RIN2: variants seen among roughly 807,000 people sequenced by gnomAD.
RIN2 encodes the protein RAB5 interacting protein 2.
Under a neutral mutation model 78.0 loss-of-function variants are expected in RIN2, and 36 were observed. That is an observed-to-expected ratio of 0.46 (90% CI 0.35 to 0.61). The LOEUF is 0.61. RIN2 is among the 20% of genes least tolerant of loss of function. The pLI is 0.00. For missense variants in RIN2, 1,087 were observed against 1,159.7 expected (o/e 0.94, Z 0.91); for synonymous variants, 466 against 466.8 (o/e 1.00, Z 0.02).
chr20:19,997,250 G>A (rs941370424), intron 12 of RIN2, among the ~76,000 whole-genome samples: 2 of 152,126 alleles, frequency 1.3e-5, no homozygotes, highest in African/African-American at 2.4e-5. Context: ...CTTTTCTCTC[G>A]CCCACTCTCC....
intron 3 of RIN2, among the ~76,000 whole-genome samples, chr20:19,909,544 C>T (rs761788968): frequency 2.0e-5 from 3 of 152,118 alleles, no homozygotes; most frequent in Admixed American, 1.3e-4. Flanking sequence ...TGTTGAGCCC[C>T]GGCACACACT....
In RIN2 at chr20:19,975,564, G is replaced by A; in HGVS notation, c.1539G>A (p.Arg513=). ...VFSSFMTPEK[R]MVRRIAELSR... ...GCTCCTTCATGACCCCGGAGAAGCG[G>A]ATGGTCCGCAGGATCGCCGAGCTTT... Residue 513 remains arginine, a synonymous_variant, in exon 9 of 13, where the codon CGG becomes CGA. Coordinates refer to ENST00000255006, the MANE Select transcript of RIN2 (RefSeq NM_018993.4). The surrounding 1 kb of genome is among the most constrained non-coding windows in gnomAD (Gnocchi z 4.9). 6.2e-7 allele frequency: 1 copy of A among 1,614,030 alleles called. No individual in the cohort carries two copies.
chr20:19,982,521 T>C (rs2042489196), intron 9 of RIN2, among the ~76,000 whole-genome samples: 1 of 152,144 alleles, frequency 6.6e-6, no homozygotes, highest in Non-Finnish European at 1.5e-5. Flanking sequence ...TGGCTGAAAG[T>C]CAGGGGCGAG....
At chr20:19,905,615 C>T (rs2039184205) in intron 3 of RIN2, among the ~76,000 whole-genome samples, 1 of 152,156 alleles carries the variant, frequency 6.6e-6, no homozygotes, top group African/African-American at 2.4e-5. Context: ...GGCATGGTAG[C>T]GTGTGCCTGT....
chr20:19,995,790 A>G (rs2042942780), intron 11 of RIN2, among the ~76,000 whole-genome samples: 1 of 152,206 alleles, frequency 6.6e-6, no homozygotes, highest in Non-Finnish European at 1.5e-5. Flanking sequence ...AGATTTAGAA[A>G]ATACTCATTG....
chr20:19,852,930 A>G (rs1195918549), intron 2 of RIN2, among the ~76,000 whole-genome samples: 3 of 151,924 alleles, frequency 2.0e-5, no homozygotes, highest in Admixed American at 2.0e-4. Flanking sequence ...CATGTGCACA[A>G]CGTGCAGGTT....
Position 19,935,150 on chromosome 20 carries a change from C to T in RIN2, c.109C>T (p.Arg37Trp), listed in dbSNP as rs758146356. The change falls in exon 4 of 13, where the codon CGG becomes TGG. Residue 37 changes from arginine to tryptophan, a missense_variant. This residue lies in a region of RIN2 where 706 missense variants were observed against 667.5 expected (regional missense o/e 1.06). Transcript: ENST00000255006. ...CGGAGAACTGAAACAGGAGATGGTG[C>T]GGACAGATGTCAACCTGGAAAATGG... ...EIGELKQEMV[R>W]TDVNLENGLE... The T allele has an allele frequency of 3.1e-6, 5 of 1,604,608 alleles. No individual in the cohort carries two copies. Among genetic ancestry groups the T allele is most frequent in the South Asian group, 2.2e-5 (2 of 88,986 alleles).
chr20:19,837,012 A>G (rs949234924), intron 2 of RIN2, among the ~76,000 whole-genome samples: 4 of 152,070 alleles, frequency 2.6e-5, no homozygotes, highest in Non-Finnish European at 5.9e-5. Flanking sequence ...TTTATTGTAT[A>G]TCATGTGCAG....
At chr20:19,806,068 A>G (rs2035398681) in intron 2 of RIN2, among the ~76,000 whole-genome samples, 1 of 152,172 alleles carries the variant, frequency 6.6e-6, no homozygotes, top group Non-Finnish European at 1.5e-5. Flanking sequence ...TTATGGCTGC[A>G]TAGTATTCTA....
At chr20:19,790,853 T>C (rs1415534877) in intron 1 of RIN2, among the ~76,000 whole-genome samples, 3 of 152,162 alleles carry the variant, frequency 2.0e-5, no homozygotes, top group Admixed American at 6.5e-5. Flanking sequence ...CTAGCTCCCA[T>C]AGGTTTGCAT....
intron 2 of RIN2, among the ~76,000 whole-genome samples, chr20:19,829,357 G>GA (rs374124043): frequency 2.1e-4 from 31 of 150,134 alleles, no homozygotes; most frequent in African/African-American, 6.3e-4. Context: ...GCCAAAAAAA[G>GA]AAAAAAAAAT....
chr20:19,769,074 G>A (rs1166038616), intron 1 of RIN2, among the ~76,000 whole-genome samples: 6 of 151,936 alleles, frequency 3.9e-5, no homozygotes, highest in African/African-American at 7.2e-5. Flanking sequence ...GGTGCCCACC[G>A]CCACGCCCAG....
At chr20:19,974,551 C>G in intron 8 of RIN2, 103 bp from the exon 9 acceptor site, 2 of 1,187,504 alleles carry the variant, frequency 1.7e-6, no homozygotes, top group Non-Finnish European at 2.4e-6. Flanking sequence ...TACCCCACCC[C>G]GCAAGACTCG....
chr20:19,800,535 T>C (rs1291472054), intron 2 of RIN2, among the ~76,000 whole-genome samples: 1 of 152,158 alleles, frequency 6.6e-6, no homozygotes, highest in Non-Finnish European at 1.5e-5. Flanking sequence ...TCCCTTAGGA[T>C]ACATGTCCTT....
intron 2 of RIN2, among the ~76,000 whole-genome samples, chr20:19,888,972 G>A (rs1368271516): frequency 1.3e-5 from 2 of 152,340 alleles, no homozygotes; most frequent in African/African-American, 4.8e-5. Flanking sequence ...GTGGATGATC[G>A]TGAAGCTGTT....
intron 3 of RIN2, among the ~76,000 whole-genome samples, chr20:19,910,875 G>A (rs2039435876): frequency 6.6e-6 from 1 of 151,434 alleles, no homozygotes; most frequent in South Asian, 2.1e-4. Flanking sequence ...CAGCCAGGAA[G>A]TGAGTTTATT....
chr20:19,822,057 A>AT (rs1391810148), intron 2 of RIN2, among the ~76,000 whole-genome samples: 2 of 152,132 alleles, frequency 1.3e-5, no homozygotes, highest in African/African-American at 4.8e-5. Context: ...TTTTTGGAAG[A>AT]TATTTTTGTC....
At chr20:19,814,886 C>T (rs1325764010) in intron 2 of RIN2, among the ~76,000 whole-genome samples, 1 of 152,114 alleles carries the variant, frequency 6.6e-6, no homozygotes, top group African/African-American at 2.4e-5. Flanking sequence ...AGCCATCATG[C>T]CTGGCCCTGG....
At chr20:19,842,158 A>G (rs1469538992) in intron 2 of RIN2, among the ~76,000 whole-genome samples, 15 of 152,112 alleles carry the variant, frequency 9.9e-5, no homozygotes, top group Admixed American at 9.8e-4. Context: ...GTGCTCTACA[A>G]TTGGAACTGT....
Sources: gnomAD v4.1 joint callset for allele counts (sites outside exome capture counted in the v4.1 genomes callset) on GRCh38, gnomAD v4.1.1 for gene constraint, gnomAD v4.1.1 regional missense constraint, Gnocchi (gnomAD v3.1) non-coding constraint, MANE v1.5 for transcripts, NCBI Gene and HGNC (gene_info 2026-07-23, HGNC 2026-07-21) for gene names.